Variants in PLA2G7 observed in about 807,000 individuals in gnomAD.
The protein encoded by PLA2G7 is platelet-activating factor acetylhydrolase.
Under a neutral mutation model 49.6 loss-of-function variants are expected in PLA2G7, and 63 were observed. That is an observed-to-expected ratio of 1.27 (90% CI 1.04 to 1.57). The LOEUF (loss-of-function observed/expected upper bound fraction) is 1.57. Ranked by LOEUF, PLA2G7 falls within the 40% of genes most tolerant of loss-of-function variation. The pLI is 0.00. For synonymous variants in PLA2G7, 193 were observed against 169.9 expected (o/e 1.14, Z -1.06); for missense variants, 596 against 521.2 (o/e 1.14, Z -1.40).
chr6:46,734,403 T>G (rs1582594502), intron 1 of PLA2G7, among the ~76,000 whole-genome samples: 3 of 49,120 alleles, frequency 6.1e-5, no homozygotes, highest in African/African-American at 1.8e-4. Context: ...TGTGTAGTGG[T>G]GTGTGTGTGT....
At chr6:46,733,957 C>T (rs1359543225) in intron 1 of PLA2G7, among the ~76,000 whole-genome samples, 1 of 152,134 alleles carries the variant, frequency 6.6e-6, no homozygotes, top group African/African-American at 2.4e-5. Context: ...AATCTGAATC[C>T]GTGTGCCTTT....
intron 4 of PLA2G7, 112 bp downstream of exon 4, chr6:46,716,272 C>T (rs1765195592): frequency 1.0e-6 from 1 of 1,003,914 alleles, no homozygotes; most frequent in Non-Finnish European, 1.6e-6. Context: ...ATTTTAGGAG[C>T]TATTTGGACT....
chr6:46,714,661 T>G (rs1290703447), intron 4 of PLA2G7, 108 bp from the exon 5 acceptor site: 12 of 750,424 alleles, frequency 1.6e-5, no homozygotes, highest in African/African-American at 1.6e-4. Context: ...TTATATCTAC[T>G]TTTTTATGGA....
At chr6:46,716,837 C>T (rs1222850019) in intron 3 of PLA2G7, 138 bp downstream of exon 3, 1 of 866,912 alleles carries the variant, frequency 1.2e-6, no homozygotes, top group Non-Finnish European at 1.9e-6. Flanking sequence ...CTAGTAAAAG[C>T]CTTCATATGA....
chr6:46,734,202 C>T (rs1330921581), intron 1 of PLA2G7, among the ~76,000 whole-genome samples: 1 of 152,038 alleles, frequency 6.6e-6, no homozygotes, highest in African/African-American at 2.4e-5. Flanking sequence ...CAGCTGTGAT[C>T]TTATCTGGCC....
chr6:46,705,613 T>A (rs944599435), intron 10 of PLA2G7, among the ~76,000 whole-genome samples: 5 of 152,234 alleles, frequency 3.3e-5, no homozygotes, highest in African/African-American at 9.6e-5. Context: ...AATACTGGAA[T>A]GTGTTCTGTA....
intron 2 of PLA2G7, 66 bp downstream of exon 2, chr6:46,722,717 T>C (rs1486741051): frequency 1.1e-6 from 1 of 946,346 alleles, no homozygotes; most frequent in African/African-American, 1.6e-5. Context: ...GTGCAACTTC[T>C]TGGGGCCCAC....
intron 9 of PLA2G7, among the ~76,000 whole-genome samples, chr6:46,708,869 C>A (rs1764915413): frequency 6.6e-6 from 1 of 152,052 alleles, no homozygotes. Flanking sequence ...TTCCTGCAAG[C>A]TAGAAAACTG....
chr6:46,708,717 G>T (rs569076209), intron 9 of PLA2G7, among the ~76,000 whole-genome samples: 7 of 152,212 alleles, frequency 4.6e-5, no homozygotes, highest in African/African-American at 1.7e-4. Context: ...TTTGGTAAAT[G>T]GATCAAAGAA....
intron 6 of PLA2G7, 34 bp from the exon 7 acceptor site, chr6:46,711,653 C>G (rs200245417): frequency 1.9e-6 from 3 of 1,609,420 alleles, no homozygotes; most frequent in Non-Finnish European, 2.5e-6. Flanking sequence ...TTTATGCATG[C>G]TCCTTCCCTT....
At chr6:46,727,423 TAA>T (rs900801321) in intron 1 of PLA2G7, among the ~76,000 whole-genome samples, 1 of 152,202 alleles carries the variant, frequency 6.6e-6, no homozygotes, top group African/African-American at 2.4e-5. Context: ...GTGTTATTAG[TAA>T]AGAGTCAGAA....
intron 4 of PLA2G7, among the ~76,000 whole-genome samples, 187 bp from the exon 5 acceptor site, chr6:46,714,740 T>TG (rs1765144068): frequency 1.4e-5 from 2 of 147,504 alleles, no homozygotes; most frequent in Non-Finnish European, 3.0e-5. Context: ...CTGTAAGTTT[T>TG]TTTTTTTTTT....
In PLA2G7 at chr6:46,716,957, T is replaced by C. The variant is rs1765224167; in HGVS notation, c.231+18A>G. ...AATATTAGAGTATCAGGATAAGTTG[T>C]ATAAATCAAAGCATTACCTTATTAG... On this transcript the variant is annotated intron_variant, in intron 3 of 11. Coordinates refer to ENST00000274793, the MANE Select transcript of PLA2G7 (RefSeq NM_005084.4). 6.2e-7 allele frequency: 1 copy of C among 1,610,946 alleles called. No individual in the cohort carries two copies. The highest frequency in any genetic ancestry group is 8.5e-7 in the Non-Finnish European group (1 of 1,177,188).
chr6:46,720,859 C>T (rs1265008962), intron 2 of PLA2G7, among the ~76,000 whole-genome samples: 1 of 152,182 alleles, frequency 6.6e-6, no homozygotes, highest in Non-Finnish European at 1.5e-5. Flanking sequence ...CAATTACACT[C>T]TTATATGGCT....
rs199799194 is a variant in PLA2G7, at chr6:46,710,673, A to G, written c.664-15T>C. The G allele has an allele frequency of 7.7e-6, 12 of 1,555,120 alleles. No homozygotes were observed. The highest frequency in any genetic ancestry group is 1.1e-5 in the Non-Finnish European group (12 of 1,126,414). On this transcript the variant is annotated splice_polypyrimidine_tract_variant and intron_variant, in intron 7 of 11. Coordinates refer to ENST00000274793, the MANE Select transcript of PLA2G7 (RefSeq NM_005084.4). ...CTTTGCCGTACCTAATATAATTATTAGAAGAAGGAAATGACAAAGTAAAAA... is the reference window on the plus strand; with the variant it reads ...CTTTGCCGTACCTAATATAATTATTGGAAGAAGGAAATGACAAAGTAAAAA...
At position 46,712,343 on chromosome 6, in the gene PLA2G7, A is replaced by G; in HGVS notation, c.471-6T>C. The G allele has an allele frequency of 6.2e-7, 1 of 1,605,528 alleles. No homozygotes were observed. The highest frequency in any genetic ancestry group is 8.5e-7 in the Non-Finnish European group (1 of 1,172,518). ...CAATAGCAGAATAAAGTGTCCTTCA[A>G]AACAAAAAGAGGGAAGAATTACAAC... On this transcript the variant is annotated splice_polypyrimidine_tract_variant and splice_region_variant and intron_variant, in intron 5 of 11. Coordinates refer to ENST00000274793, the MANE Select transcript of PLA2G7 (RefSeq NM_005084.4).
intron 2 of PLA2G7, among the ~76,000 whole-genome samples, chr6:46,719,159 A>G (rs988703344): frequency 6.6e-6 from 1 of 152,122 alleles, no homozygotes; most frequent in African/African-American, 2.4e-5. Flanking sequence ...CTTCCATTGG[A>G]TGGTGGGAGT....
At chr6:46,717,172 G>T (rs1374075815) in intron 2 of PLA2G7, 76 bp from the exon 3 acceptor site, 6 of 1,332,338 alleles carry the variant, frequency 4.5e-6, no homozygotes, top group Middle Eastern at 1.8e-4. Context: ...AATTCCAACG[G>T]AATCAAGTTA....
chr6:46,709,966 A>G (rs1161025518), intron 8 of PLA2G7, among the ~76,000 whole-genome samples: 1 of 152,180 alleles, frequency 6.6e-6, no homozygotes, highest in African/African-American at 2.4e-5. Flanking sequence ...GAGTCTTGAA[A>G]TTAGGTAGGA....
Sources: allele counts gnomAD v4.1 joint callset (sites outside exome capture counted in the v4.1 genomes callset), GRCh38; gene constraint gnomAD v4.1.1; transcripts MANE v1.5; gene names NCBI Gene and HGNC (gene_info 2026-07-23, HGNC 2026-07-21).